The following RYR3 variants were observed in gnomAD, a reference collection of about 807,000 sequenced individuals.
RYR3 encodes the protein brain ryanodine receptor-calcium release channel.
A neutral mutation model predicts 584.3 loss-of-function variants in RYR3; 207 were observed. That is an observed-to-expected ratio of 0.35 (90% CI 0.32 to 0.40). The LOEUF (loss-of-function observed/expected upper bound fraction) is 0.40. Among genes scored for constraint, RYR3 ranks in the 10% least tolerant of loss-of-function variants. The pLI, the probability that RYR3 is intolerant of heterozygous loss-of-function variation, is 1.00. For missense variants in RYR3, 5,616 were observed against 6,089.2 expected (o/e 0.92, Z 2.59); for synonymous variants, 2,416 against 2,248.5 (o/e 1.07, Z -2.11).
chr15:33,618,807 C>G (rs1215769698), intron 19 of RYR3, among the ~76,000 whole-genome samples: 1 of 152,158 alleles, frequency 6.6e-6, no homozygotes, highest in Non-Finnish European at 1.5e-5. Flanking sequence ...GTTAGTCACC[C>G]CCTTTGAGCA....
chr15:33,588,374 T>A (rs1253278693), intron 16 of RYR3, among the ~76,000 whole-genome samples: 1 of 152,226 alleles, frequency 6.6e-6, no homozygotes, highest in African/African-American at 2.4e-5. Context: ...TGTGAGAATA[T>A]ATTTAATTTT....
chr15:33,500,484 G>A (rs2051875252), intron 2 of RYR3, among the ~76,000 whole-genome samples: 1 of 152,198 alleles, frequency 6.6e-6, no homozygotes, highest in Non-Finnish European at 1.5e-5. Context: ...CACATAGTGA[G>A]GCTAAGTGAA....
At chr15:33,461,493 C>T (rs114998615) in intron 1 of RYR3, among the ~76,000 whole-genome samples, 5 of 152,242 alleles carry the variant, frequency 3.3e-5, no homozygotes, top group African/African-American at 1.2e-4. Context: ...TGTTATTTCT[C>T]CTAACCATTA....
intron 38 of RYR3, among the ~76,000 whole-genome samples, chr15:33,694,411 AT>A (rs11324460): frequency 0.42 from 63,495 of 150,526 alleles, 15,348 homozygotes; most frequent in East Asian, 0.62. Context: ...CGCCCGGTTA[AT>A]TTTTTGTATT....
rs991529582 is a variant in RYR3, at chr15:33,636,613, T to A, written c.3556+63T>A. 5.0e-6 allele frequency: 7 copies of A among 1,392,042 alleles called. No individual in the cohort carries two copies. In the African/African-American group the frequency reaches 1.0e-4, roughly 20 times the overall value. 86.2% of individuals were successfully genotyped at this position (1,392,042 alleles called of 1,614,324 possible). A position where few individuals can be genotyped will look rare whatever the true frequency, so the allele number is the denominator to read the frequency against. The stretch of plus-strand genomic sequence containing the variant: ...GGCTGGAGGAAAATATAGGGAGAGC[T>A]GAGCGACCTGCTCTACTTCCTTATT... On this transcript the variant is annotated intron_variant, in intron 27 of 103. Transcript: ENST00000634891.
At chr15:33,502,352 C>G (rs983829554) in intron 2 of RYR3, among the ~76,000 whole-genome samples, 4 of 152,090 alleles carry the variant, frequency 2.6e-5, no homozygotes, top group Admixed American at 2.6e-4. Context: ...GCCTTAGTAA[C>G]AGACTTGGTT....
At chr15:33,529,851 G>A (rs1458279024) in intron 3 of RYR3, among the ~76,000 whole-genome samples, 2 of 152,116 alleles carry the variant, frequency 1.3e-5, no homozygotes, top group Non-Finnish European at 2.9e-5. Context: ...GTTCAGCATG[G>A]TGACGTGTGA....
chr15:33,811,795 A>T lies in RYR3; in HGVS notation c.10257+758A>T, dbSNP rs568357613. On this transcript the variant is annotated intron_variant, in intron 72 of 103. Transcript: ENST00000634891. ...ACTTCCTGCTCTAAAGAGATTTTGAAACAAAATAATTTTGTTTCTAGTTGG... is the reference window on the plus strand; with the variant it reads ...ACTTCCTGCTCTAAAGAGATTTTGATACAAAATAATTTTGTTTCTAGTTGG... Among the ~76,000 whole-genome samples the T allele has an allele frequency of 5.3e-5, 8 of 152,264 alleles. No individual in the cohort carries two copies. The South Asian group carries it at 1.7e-3, about 32-fold the overall frequency.
intron 32 of RYR3, among the ~76,000 whole-genome samples, chr15:33,654,107 G>A (rs207475394): frequency 6.6e-6 from 1 of 152,132 alleles, no homozygotes. Context: ...ACAAGTATTT[G>A]TAGACAGAGA....
At chr15:33,437,530 C>A (rs79818970) in intron 1 of RYR3, among the ~76,000 whole-genome samples, 1 of 152,270 alleles carries the variant, frequency 6.6e-6, no homozygotes, top group East Asian at 1.9e-4. Context: ...ATATACTACT[C>A]TTACCTGAAA....
intron 1 of RYR3, among the ~76,000 whole-genome samples, chr15:33,418,790 T>C (rs1019296298): frequency 6.6e-6 from 1 of 152,064 alleles, no homozygotes; most frequent in Non-Finnish European, 1.5e-5. Context: ...ATTCACAAAA[T>C]ACTTAGGTGG....
intron 12 of RYR3, among the ~76,000 whole-genome samples, chr15:33,573,684 A>G (rs1454434945): frequency 1.3e-5 from 2 of 152,220 alleles, no homozygotes; most frequent in African/African-American, 4.8e-5. Flanking sequence ...TTCATTGGCA[A>G]AGGCCTAAGA....
In RYR3 at chr15:33,864,244, G is replaced by C. The variant is rs374015056; in HGVS notation, c.14517+55G>C. 311 of 1,368,344 alleles carry C rather than the reference G, an allele frequency of 2.3e-4. 2 individuals are homozygous for C. Among genetic ancestry groups the C allele is most frequent in the Middle Eastern group, 1.0e-3 (5 of 5,002 alleles). 84.8% of individuals were successfully genotyped at this position (1,368,344 alleles called of 1,614,324 possible). ...TAGATCTCCCTTTCCTAAATCTTGAGACTTAGTAGGGCATAGGTTATCTGA... is the reference window on the plus strand; with the variant it reads ...TAGATCTCCCTTTCCTAAATCTTGACACTTAGTAGGGCATAGGTTATCTGA... On this transcript the variant is annotated intron_variant, in intron 103 of 103. Transcript: ENST00000634891.
At chr15:33,443,219 A>G (rs2046367840) in intron 1 of RYR3, among the ~76,000 whole-genome samples, 1 of 151,484 alleles carries the variant, frequency 6.6e-6, no homozygotes, top group African/African-American at 2.4e-5. Context: ...AGATTGCACC[A>G]CTGCACTCCA....
chr15:33,606,466 A>C (rs761911246), intron 18 of RYR3, among the ~76,000 whole-genome samples: 5 of 152,210 alleles, frequency 3.3e-5, no homozygotes, highest in Admixed American at 6.5e-5. Flanking sequence ...AGAATTCTCA[A>C]AGTGACATCC....
chr15:33,757,558 C>T lies in RYR3; in HGVS notation c.8667C>T (p.Ser2889=), dbSNP rs201031443. 2.6e-4 allele frequency: 414 copies of T among 1,611,350 alleles called. 2 individuals are homozygous for T. The East Asian group carries it at 8.8e-3, about 34-fold the overall frequency. The part of the protein sequence containing the change: ...LSSPLKPLSS[S]GYASHKEKEM... Reference sequence around the variant, plus strand: ...CCCCTCTGAAGCCCCTTAGCAGCAGCGGATATGCCTCCCATAAGGAGAAAG... The same window carrying T: ...CCCCTCTGAAGCCCCTTAGCAGCAGTGGATATGCCTCCCATAAGGAGAAAG... Residue 2889 remains serine (S), a synonymous_variant, in exon 60 of 104, where the codon AGC becomes AGT. Coordinates refer to ENST00000634891, the MANE Select transcript of RYR3 (RefSeq NM_001036.6).
At position 33,603,271 on chromosome 15, in the gene RYR3, G is replaced by A. The variant is rs759907258; in HGVS notation, c.2071G>A (p.Ala691Thr). 2 of 1,613,902 alleles carry A rather than the reference G, an allele frequency of 1.2e-6. No homozygotes were observed. The highest frequency in any genetic ancestry group is 1.7e-6 in the Non-Finnish European group (2 of 1,179,838). The change falls in exon 18 of 104, where the codon GCC becomes ACC. Residue 691 changes from alanine (A) to threonine (T), a missense_variant. By Grantham distance (58) the Ala-to-Thr change is moderately conservative (BLOSUM62 0). Coordinates refer to ENST00000634891, the MANE Select transcript of RYR3 (RefSeq NM_001036.6). ...RVGWASSSGY[A>T]PYPGGGEGWG... ...GGGCTGGGCCTCTTCTTCAGGCTATGCCCCATACCCAGGAGGTGGAGAAGG... is the reference window on the plus strand; with the variant it reads ...GGGCTGGGCCTCTTCTTCAGGCTATACCCCATACCCAGGAGGTGGAGAAGG...
chr15:33,664,657 T>C (rs993475900), intron 36 of RYR3, among the ~76,000 whole-genome samples: 2 of 141,412 alleles, frequency 1.4e-5, no homozygotes, highest in African/African-American at 5.3e-5. Context: ...ATGTAGGTAA[T>C]CTTTGCATCT....
intron 1 of RYR3, among the ~76,000 whole-genome samples, chr15:33,395,714 T>C (rs2596188): frequency 0.099 from 15,080 of 152,198 alleles, 2,488 homozygotes; most frequent in African/African-American, 0.34. Flanking sequence ...ATGGACGTGG[T>C]TCACTCTGGG....
Sources: gnomAD v4.1 joint callset for allele counts (sites outside exome capture counted in the v4.1 genomes callset) on GRCh38, gnomAD v4.1.1 for gene constraint, MANE v1.5 for transcripts, NCBI Gene and HGNC (gene_info 2026-07-23, HGNC 2026-07-21) for gene names.